The following NEMP1 variants were observed in gnomAD, a reference collection of about 807,000 sequenced individuals.
NEMP1 encodes transmembrane protein 194.
In NEMP1, 29 loss-of-function variants were observed where a neutral mutation model predicts 53.7. The observed-to-expected ratio is 0.54, with a 90% CI of 0.40 to 0.74. The LOEUF is 0.74. NEMP1 is among the 30% of genes least tolerant of loss of function. The pLI is 0.00. For synonymous variants in NEMP1, 193 were observed against 192.9 expected, an observed-to-expected ratio of 1.00 and a Z score of 0.00; for missense variants, 477 against 528.6, an observed-to-expected ratio of 0.90 and a Z score of 0.96.
intron 3 of NEMP1, among the ~76,000 whole-genome samples, chr12:57,070,020 C>T (rs906721091): frequency 1.3e-5 from 2 of 152,020 alleles, no homozygotes; most frequent in African/African-American, 4.8e-5. Flanking sequence ...CATACTAAAC[C>T]TAGAAACATT....
At chr12:57,074,812 G>A (rs1196297926) in intron 1 of NEMP1, among the ~76,000 whole-genome samples, 1 of 152,174 alleles carries the variant, frequency 6.6e-6, no homozygotes, top group Non-Finnish European at 1.5e-5. Context: ...GTCCAGCCGG[G>A]CATGGTGGCT....
In NEMP1 at chr12:57,059,782, A is replaced by C. The variant is rs764460501; in HGVS notation, c.*97T>G. On this transcript the variant is annotated 3_prime_UTR_variant, in exon 9 of 9. Coordinates refer to ENST00000300128, the MANE Select transcript of NEMP1 (RefSeq NM_001130963.2). ...CAGTAGGAGAATTTCTACCCTATCT[A>C]TCTCACTCTGTTTCAAAGGGTTGAA... 2.2e-5 allele frequency: 25 copies of C among 1,131,088 alleles called. No homozygotes were observed. Among genetic ancestry groups the C allele is most frequent in the Non-Finnish European group, 3.1e-5 (25 of 797,676 alleles). The allele number at this position is 1,131,088 out of a possible 1,614,324, so 70.1% of individuals were successfully genotyped here. A position where few individuals can be genotyped will look rare whatever the true frequency, so the allele number is the denominator to read the frequency against.
intron 1 of NEMP1, among the ~76,000 whole-genome samples, chr12:57,077,431 G>A (rs2032687767): frequency 6.6e-6 from 1 of 151,952 alleles, no homozygotes; most frequent in South Asian, 2.1e-4. Flanking sequence ...CCAGGAGGCG[G>A]AGGTTGCAGT....
intron 2 of NEMP1, 95 bp downstream of exon 2, chr12:57,072,693 T>A: frequency 7.5e-7 from 1 of 1,328,960 alleles, no homozygotes; most frequent in Non-Finnish European, 1.0e-6. Flanking sequence ...ACATTTTTTT[T>A]AAGCATGTGA....
At chr12:57,087,478 G>A (rs1479466741) in intron 1 of NEMP1, among the ~76,000 whole-genome samples, 1 of 152,046 alleles carries the variant, frequency 6.6e-6, no homozygotes, top group Non-Finnish European at 1.5e-5. Flanking sequence ...CACCCCGTAC[G>A]GGGTCGGGAG....
In NEMP1 at chr12:57,061,924, A is replaced by G. The variant is rs569776973; in HGVS notation, c.981-979T>C. On this transcript the variant is annotated intron_variant, in intron 7 of 8. Coordinates refer to ENST00000300128, the MANE Select transcript of NEMP1 (RefSeq NM_001130963.2). Reference sequence around the variant, plus strand: ...TGAGGCAGGAGAATCGCTTAAACCCAGGAGGCAGAGGTTGCGGTGAGCTGA... The same window carrying G: ...TGAGGCAGGAGAATCGCTTAAACCCGGGAGGCAGAGGTTGCGGTGAGCTGA... 6.6e-5 allele frequency among the ~76,000 whole-genome samples: 10 copies of G among 150,876 alleles called. No individual in the cohort carries two copies. In the South Asian group the frequency reaches 8.4e-4, roughly 13 times the overall value.
chr12:57,073,176 T>TGA (rs201154098), intron 1 of NEMP1, among the ~76,000 whole-genome samples: 1 of 151,200 alleles, frequency 6.6e-6, no homozygotes, highest in Non-Finnish European at 1.5e-5. Flanking sequence ...TTTTTTTTTT[T>TGA]GAGACAGTCT....
rs191770166 is a variant in NEMP1, at chr12:57,055,653, A to G, written c.*4226T>C. The stretch of plus-strand genomic sequence containing the variant: ...AGAAAGACCACAATATATCTATAAA[A>G]CTTTTATTAAAATTGGAATTAGAAA... On this transcript the variant is annotated 3_prime_UTR_variant, in exon 9 of 9. Transcript: ENST00000300128. 1.3e-5 allele frequency: 2 copies of G among 152,350 alleles called. No individual in the cohort carries two copies. Among genetic ancestry groups the G allele is most frequent in the East Asian group, 3.8e-4 (2 of 5,196 alleles). 9.4% of individuals were successfully genotyped at this position (152,350 alleles called of 1,614,324 possible).
intron 4 of NEMP1, among the ~76,000 whole-genome samples, chr12:57,065,894 C>T (rs185309328): frequency 6.6e-6 from 1 of 152,226 alleles, no homozygotes; most frequent in African/African-American, 2.4e-5. Flanking sequence ...GAGGCTTCCT[C>T]ACCTCTCACC....
intron 4 of NEMP1, 97 bp from the exon 5 acceptor site, chr12:57,064,836 G>A: frequency 4.4e-6 from 4 of 907,836 alleles, no homozygotes; most frequent in Non-Finnish European, 6.8e-6. Flanking sequence ...GATTTTAAAA[G>A]GTACAAGATT....
At chr12:57,073,579 G>A (rs11172091) in intron 1 of NEMP1, among the ~76,000 whole-genome samples, 1 of 152,136 alleles carries the variant, frequency 6.6e-6, no homozygotes, top group Non-Finnish European at 1.5e-5. Flanking sequence ...GGGAGGCGGA[G>A]GTTGAGGTGA....
chr12:57,063,397 T>G (rs1236882415), intron 6 of NEMP1, 53 bp from the exon 7 acceptor site: 3 of 1,476,862 alleles, frequency 2.0e-6, no homozygotes, highest in East Asian at 4.6e-5. Context: ...TTGGTAAAAA[T>G]AATTTGTGTG....
intron 2 of NEMP1, 86 bp downstream of exon 2, chr12:57,072,702 G>C (rs1052912656): frequency 2.6e-5 from 36 of 1,395,560 alleles, no homozygotes; most frequent in Non-Finnish European, 3.1e-5. Context: ...TTAAGCATGT[G>C]AAGGGGAAGA....
chr12:57,068,037 C>T (rs927772444), intron 4 of NEMP1, among the ~76,000 whole-genome samples: 1 of 152,062 alleles, frequency 6.6e-6, no homozygotes, highest in Non-Finnish European at 1.5e-5. Context: ...TCCCAAAGTG[C>T]TAGGATTACA....
In NEMP1 at chr12:57,056,137, C is replaced by T. The variant is rs1379178996; in HGVS notation, c.*3742G>A. 1 of 152,178 alleles carries T rather than the reference C, an allele frequency of 6.6e-6. No homozygotes were observed. The highest frequency in any genetic ancestry group is 1.5e-5 in the Non-Finnish European group (1 of 68,022). The allele number at this position is 152,178 out of a possible 1,614,324, so 9.4% of individuals were successfully genotyped here. A position where few individuals can be genotyped will look rare whatever the true frequency, so the allele number is the denominator to read the frequency against. On this transcript the variant is annotated 3_prime_UTR_variant, in exon 9 of 9. Transcript: ENST00000300128. Reference sequence around the variant, plus strand: ...GGAGTCTGTGACCACTCCCATCTGCCACTAAAGCTACGAGTTGGTGTTGGC... The same window carrying T: ...GGAGTCTGTGACCACTCCCATCTGCTACTAAAGCTACGAGTTGGTGTTGGC...
chr12:57,075,204 G>A (rs2032545741), intron 1 of NEMP1, among the ~76,000 whole-genome samples: 1 of 151,782 alleles, frequency 6.6e-6, no homozygotes, highest in African/African-American at 2.4e-5. Context: ...GGCTAACAAG[G>A]TGAAACCCCA....
At position 57,060,883 on chromosome 12, in the gene NEMP1, C is replaced by T. The variant is rs760233253; in HGVS notation, c.1043G>A (p.Arg348Gln). The T allele has an allele frequency of 5.6e-6, 9 of 1,613,986 alleles. No homozygotes were observed. The highest frequency in any genetic ancestry group is 6.8e-6 in the Non-Finnish European group (8 of 1,180,010). Residue 348 changes from arginine (R) to glutamine (Q), a missense_variant, in exon 8 of 9, where the codon CGG (arginine) becomes CAG (glutamine). Arg to Gln is a conservative substitution (Grantham distance 43). Transcript: ENST00000300128. ...TCGGGTTTCTACCTCTCCTTGTATC[C>T]GATATTCTTCTTCTGTCAGGAGACG... ...PPRLLTEEEY[R>Q]IQGEVETRKA... is the part of the protein sequence containing the mutation.
chr12:57,064,238 A>G, intron 5 of NEMP1, 53 bp from the exon 6 acceptor site: 2 of 1,168,494 alleles, frequency 1.7e-6, no homozygotes, highest in South Asian at 1.4e-5. Context: ...CTTTCCATAC[A>G]TAAAAGAAGC....
At chr12:57,064,830 T>A in intron 4 of NEMP1, 91 bp from the exon 5 acceptor site, 1 of 950,352 alleles carries the variant, frequency 1.1e-6, no homozygotes, top group Non-Finnish European at 1.6e-6. Flanking sequence ...CCGAAAGATT[T>A]TAAAAGGTAC....
Sources: gnomAD v4.1 joint callset for allele counts (sites outside exome capture counted in the v4.1 genomes callset) on GRCh38, gnomAD v4.1.1 for gene constraint, MANE v1.5 for transcripts, NCBI Gene and HGNC (gene_info 2026-07-23, HGNC 2026-07-21) for gene names.